The following TEC variants were observed in gnomAD, a reference collection of about 807,000 sequenced individuals.
The protein encoded by TEC is tec protein tyrosine kinase.
Under a neutral mutation model 93.0 loss-of-function variants are expected in TEC, and 72 were observed. That is an observed-to-expected ratio of 0.77 (90% CI 0.64 to 0.94). The LOEUF (loss-of-function observed/expected upper bound fraction) is 0.94, where lower values mean the gene tolerates loss of function less well. Ranked by LOEUF, TEC falls within the 40% of genes least tolerant of loss-of-function variation. The pLI, the probability that TEC is intolerant of heterozygous loss-of-function variation, is 0.00. For synonymous variants in TEC, 249 were observed against 247.7 expected, an observed-to-expected ratio of 1.01 and a Z score of -0.05; for missense variants, 630 against 757.9, an observed-to-expected ratio of 0.83 and a Z score of 1.98.
chr4:48,217,647 A>G (rs1723125722), intron 2 of TEC, among the ~76,000 whole-genome samples: 1 of 152,208 alleles, frequency 6.6e-6, no homozygotes, highest in South Asian at 2.1e-4. Flanking sequence ...CTTCCGTATT[A>G]TCTCTTCCTC....
chr4:48,170,918 G>C (rs574450875), intron 4 of TEC, among the ~76,000 whole-genome samples: 1 of 152,076 alleles, frequency 6.6e-6, no homozygotes, highest in Non-Finnish European at 1.5e-5. Flanking sequence ...GGGCATGGTG[G>C]TGGGTGCCTG....
chr4:48,176,414 G>GC (rs35859358), intron 2 of TEC, among the ~76,000 whole-genome samples: 2 of 151,676 alleles, frequency 1.3e-5, no homozygotes, highest in Non-Finnish European at 2.9e-5. Context: ...GTTCTGTCCT[G>GC]CCCCCCCAAA....
intron 1 of TEC, among the ~76,000 whole-genome samples, chr4:48,228,968 A>G (rs1723568719): frequency 6.6e-6 from 1 of 152,226 alleles, no homozygotes; most frequent in Non-Finnish European, 1.5e-5. Context: ...ATTTGATTGC[A>G]GGGAACAAGT....
intron 3 of TEC, among the ~76,000 whole-genome samples, chr4:48,171,999 G>A (rs1721133126): frequency 6.6e-6 from 1 of 152,180 alleles, no homozygotes; most frequent in African/African-American, 2.4e-5. Context: ...AACTTCAGCA[G>A]ATACCACTCA....
Position 48,145,511 on chromosome 4 carries a change from C to A in TEC, c.1150G>T (p.Val384Leu). The part of the protein sequence containing the change: ...RELGSGLFGV[V>L]RLGKWRAQYK... Reference sequence around the variant, plus strand: ...TGGGCTCGCCATTTGCCAAGCCTCACCACTCCAAACAGTCCACTTCCCAAT... The same window carrying A: ...TGGGCTCGCCATTTGCCAAGCCTCAACACTCCAAACAGTCCACTTCCCAAT... The change falls in exon 13 of 18, where the codon GTG (valine) becomes TTG (leucine). Residue 384 changes from valine to leucine, a missense_variant. Physicochemically the swap from Val to Leu is conservative, Grantham distance 32. Coordinates refer to ENST00000381501, the MANE Select transcript of TEC (RefSeq NM_003215.3). 1.2e-6 allele frequency: 2 copies of A among 1,614,144 alleles called. No individual in the cohort carries two copies. Among genetic ancestry groups the A allele is most frequent in the Admixed American group, 3.3e-5 (2 of 60,008 alleles).
At chr4:48,177,631 A>G (rs1483926814) in intron 2 of TEC, among the ~76,000 whole-genome samples, 1 of 152,042 alleles carries the variant, frequency 6.6e-6, no homozygotes, top group East Asian at 1.9e-4. Flanking sequence ...CCCCCAACAT[A>G]TGCACACACT....
At chr4:48,177,490 CA>C (rs1721377405) in intron 2 of TEC, among the ~76,000 whole-genome samples, 1 of 152,178 alleles carries the variant, frequency 6.6e-6, no homozygotes, top group Admixed American at 6.5e-5. Context: ...GTCCCCACCC[CA>C]CTCCCAGGAA....
intron 15 of TEC, 52 bp from the exon 16 acceptor site, chr4:48,139,074 T>C (rs555378782): frequency 6.9e-7 from 1 of 1,452,676 alleles, no homozygotes; most frequent in Non-Finnish European, 9.6e-7. Flanking sequence ...ATCTGTTTTT[T>C]CTACTTGCTC....
chr4:48,183,851 A>G (rs983394512), intron 2 of TEC, among the ~76,000 whole-genome samples: 1 of 152,098 alleles, frequency 6.6e-6, no homozygotes, highest in Non-Finnish European at 1.5e-5. Flanking sequence ...TCACTCCCCA[A>G]ATAGTAGCAT....
intron 1 of TEC, among the ~76,000 whole-genome samples, chr4:48,243,168 A>G (rs529934728): frequency 6.6e-6 from 1 of 150,784 alleles, no homozygotes; most frequent in South Asian, 2.1e-4. Context: ...TTTAAACATC[A>G]TCCCGAAGAT....
intron 2 of TEC, among the ~76,000 whole-genome samples, chr4:48,209,588 G>C (rs1451788554): frequency 6.6e-6 from 1 of 152,120 alleles, no homozygotes; most frequent in Non-Finnish European, 1.5e-5. Context: ...ACTCCAGCCT[G>C]GGTAACAGAG....
intron 5 of TEC, 54 bp from the exon 6 acceptor site, chr4:48,168,680 A>G: frequency 6.4e-7 from 1 of 1,573,422 alleles, no homozygotes; most frequent in Non-Finnish European, 8.6e-7. Flanking sequence ...AATAATTGAT[A>G]AAAATAAGAT....
At chr4:48,146,663 G>A (rs919472727) in intron 11 of TEC, among the ~76,000 whole-genome samples, 26 of 151,898 alleles carry the variant, frequency 1.7e-4, no homozygotes, top group Admixed American at 1.2e-3. Context: ...CAGTTATTTC[G>A]TGTTCTTTTC....
intron 2 of TEC, among the ~76,000 whole-genome samples, chr4:48,205,203 T>A (rs1219319648): frequency 6.6e-6 from 1 of 152,220 alleles, no homozygotes; most frequent in African/African-American, 2.4e-5. Context: ...TAGACTAACA[T>A]GTGAATGGCA....
At chr4:48,207,051 A>T (rs527322552) in intron 2 of TEC, among the ~76,000 whole-genome samples, 1 of 152,326 alleles carries the variant, frequency 6.6e-6, no homozygotes, top group South Asian at 2.1e-4. Flanking sequence ...TGCACCGTTG[A>T]CAGGAATCCA....
intron 1 of TEC, among the ~76,000 whole-genome samples, chr4:48,235,106 T>A (rs1265292349): frequency 1.3e-5 from 2 of 152,146 alleles, no homozygotes; most frequent in Non-Finnish European, 2.9e-5. Flanking sequence ...AACATCAAGT[T>A]ACTTCAGGTT....
intron 8 of TEC, among the ~76,000 whole-genome samples, chr4:48,160,843 G>GAA (rs1720617948): frequency 1.3e-5 from 1 of 74,114 alleles, no homozygotes; most frequent in East Asian, 1.3e-3. Flanking sequence ...GGGAGGGAGA[G>GAA]AGGGAGGGAG....
At chr4:48,185,788 TCCCCCTCCCCCTCTCCCATCTCCCTC>T in intron 2 of TEC, among the ~76,000 whole-genome samples, 1 of 10,978 alleles carries the variant, frequency 9.1e-5, no homozygotes, top group African/African-American at 4.8e-4. Flanking sequence ...TCCCTCTCCC[TCCCCCTCCCCCTCTCCCATCTCCCTC>T]CCCCTCCCCC....
rs1485440882 is a variant in TEC, at chr4:48,143,139, C to T, written c.1471-1720G>A. 3.9e-5 allele frequency among the ~76,000 whole-genome samples: 6 copies of T among 152,280 alleles called. 1 individual carries two copies. The South Asian group carries it at 1.2e-3, about 32-fold the overall frequency. ...TATAAAGTGAGAGTTAATATCCATT[C>T]CCTGGACTGCCTGCATCTTCCTATG... On this transcript the variant is annotated intron_variant, in intron 14 of 17. Transcript: ENST00000381501.
Sources: gnomAD v4.1 joint callset for allele counts (sites outside exome capture counted in the v4.1 genomes callset) on GRCh38, gnomAD v4.1.1 for gene constraint, MANE v1.5 for transcripts, NCBI Gene and HGNC (gene_info 2026-07-23, HGNC 2026-07-21) for gene names.